Variants in HPSE2 observed in about 807,000 individuals in gnomAD.
HPSE2 encodes inactive heparanase-2.
HPSE2 carries 38 observed loss-of-function variants against 60.5 expected under a neutral mutation model. That is an observed-to-expected ratio of 0.63 (90% CI 0.48 to 0.82). The LOEUF (loss-of-function observed/expected upper bound fraction) is 0.82. HPSE2 is among the 40% of genes least tolerant of loss of function. The probability of loss-of-function intolerance (pLI) is 0.00; values close to 1 mark genes in which losing one functional copy is unlikely to be tolerated. For synonymous variants in HPSE2, 295 were observed against 293.2 expected (o/e 1.01, Z -0.06); for missense variants, 713 against 740.4 (o/e 0.96, Z 0.43).
chr10:98,508,228 C>T (rs1051721355), intron 9 of HPSE2, among the ~76,000 whole-genome samples: 1 of 152,152 alleles, frequency 6.6e-6, no homozygotes, highest in Admixed American at 6.5e-5. Context: ...GCAGATGACA[C>T]TAAAAAGACA....
At chr10:99,039,986 G>A (rs1282613945) in intron 3 of HPSE2, among the ~76,000 whole-genome samples, 3 of 152,052 alleles carry the variant, frequency 2.0e-5, no homozygotes, top group Non-Finnish European at 4.4e-5. Context: ...AAAACTATAT[G>A]TAACTGCTGT....
chr10:98,712,437 T>C (rs979344539), intron 5 of HPSE2, among the ~76,000 whole-genome samples: 2 of 152,090 alleles, frequency 1.3e-5, no homozygotes, highest in Admixed American at 1.3e-4. Flanking sequence ...TGTATAGGAA[T>C]ACAGTAAAAT....
intron 9 of HPSE2, among the ~76,000 whole-genome samples, chr10:98,495,911 G>T (rs533885235): frequency 5.8e-4 from 88 of 152,056 alleles, no homozygotes; most frequent in African/African-American, 2.1e-3. Flanking sequence ...CTTTGAATGA[G>T]CCATACTTTC....
chr10:98,569,276 G>T (rs1487750837), intron 9 of HPSE2, among the ~76,000 whole-genome samples: 1 of 151,936 alleles, frequency 6.6e-6, no homozygotes, highest in East Asian at 1.9e-4. Context: ...GGTCAGGCTG[G>T]TCTTGGACTC....
At chr10:98,489,973 T>C in intron 10 of HPSE2, 78 bp downstream of exon 10, 1 of 1,543,546 alleles carries the variant, frequency 6.5e-7, no homozygotes, top group Non-Finnish European at 9.0e-7. Flanking sequence ...TGAATGGAGA[T>C]GAGTCTTGAA....
At chr10:99,180,176 A>G (rs10883289) in intron 2 of HPSE2, among the ~76,000 whole-genome samples, 75,008 of 152,044 alleles carry the variant, frequency 0.49, 21,689 homozygotes, top group Non-Finnish European at 0.64. Context: ...AAACCTGGGC[A>G]ATACCATTCA....
chr10:98,512,347 C>G (rs553906098), intron 9 of HPSE2, among the ~76,000 whole-genome samples: 37 of 152,216 alleles, frequency 2.4e-4, no homozygotes, highest in African/African-American at 8.7e-4. Context: ...TTTGGGAGGC[C>G]GAGGCGGGCG....
At chr10:99,035,433 T>C (rs1480115725) in intron 3 of HPSE2, among the ~76,000 whole-genome samples, 2 of 152,212 alleles carry the variant, frequency 1.3e-5, no homozygotes, top group Admixed American at 1.3e-4. Context: ...TCTCCTATGA[T>C]AACAATGCCT....
intron 4 of HPSE2, among the ~76,000 whole-genome samples, chr10:98,725,655 A>C (rs190709091): frequency 5.8e-4 from 88 of 152,316 alleles, no homozygotes; most frequent in African/African-American, 1.3e-3. Flanking sequence ...TAATTAAACT[A>C]AAGAGCTTCT....
chr10:98,724,487 G>C (rs1269486136), intron 4 of HPSE2, among the ~76,000 whole-genome samples: 1 of 152,136 alleles, frequency 6.6e-6, no homozygotes, highest in East Asian at 1.9e-4. Flanking sequence ...AGGTCCACTT[G>C]GTGCAGAGCT....
chr10:98,789,000 T>C (rs932106312), intron 3 of HPSE2, among the ~76,000 whole-genome samples: 5 of 152,218 alleles, frequency 3.3e-5, no homozygotes, highest in African/African-American at 1.2e-4. Flanking sequence ...TTCTCACTTT[T>C]TTTTTCTTTT....
chr10:99,180,408 C>G (rs1279683688), intron 2 of HPSE2, among the ~76,000 whole-genome samples: 1 of 151,954 alleles, frequency 6.6e-6, no homozygotes, highest in Non-Finnish European at 1.5e-5. Context: ...AACAAATTTA[C>G]AAGAAAAAAA....
upstream of HPSE2, chr10:99,235,978 G>T: frequency 4.5e-6 from 2 of 443,304 alleles, no homozygotes; most frequent in African/African-American, 2.5e-5. Flanking sequence ...TCGCTCGCTC[G>T]CTCGCTCGTT....
chr10:98,771,779 C>T (rs1318837054), intron 3 of HPSE2, among the ~76,000 whole-genome samples: 5 of 152,008 alleles, frequency 3.3e-5, no homozygotes, highest in Admixed American at 2.0e-4. Flanking sequence ...GGGCAAACTC[C>T]CTGCTAGGGT....
chr10:99,236,563 C>G (rs1214590630), upstream of HPSE2, among the ~76,000 whole-genome samples: 1 of 152,084 alleles, frequency 6.6e-6, no homozygotes, highest in Non-Finnish European at 1.5e-5. Flanking sequence ...GGACATTCCC[C>G]GAAGAGGAGC....
intron 9 of HPSE2, among the ~76,000 whole-genome samples, chr10:98,514,599 T>C (rs142893451): frequency 6.6e-6 from 1 of 152,270 alleles, no homozygotes; most frequent in Admixed American, 6.5e-5. Context: ...CAAAGATTTA[T>C]TTGTAAGATG....
At chr10:98,582,149 A>C (rs927417072) in intron 9 of HPSE2, among the ~76,000 whole-genome samples, 1 of 152,206 alleles carries the variant, frequency 6.6e-6, no homozygotes, top group Non-Finnish European at 1.5e-5. Flanking sequence ...AAACAGAACT[A>C]GAGTTATTTC....
chr10:98,860,184 C>T (rs1952422085), intron 3 of HPSE2, among the ~76,000 whole-genome samples: 1 of 152,128 alleles, frequency 6.6e-6, no homozygotes, highest in Admixed American at 6.5e-5. Flanking sequence ...CCCTGGAGAA[C>T]TCTGACTAAT....
intron 9 of HPSE2, among the ~76,000 whole-genome samples, chr10:98,573,532 C>G (rs1434533594): frequency 6.6e-6 from 1 of 152,138 alleles, no homozygotes; most frequent in Non-Finnish European, 1.5e-5. Flanking sequence ...TGTTGTCCCC[C>G]ATTCTAAAAG....
Sources: gnomAD v4.1 joint callset for allele counts (sites outside exome capture counted in the v4.1 genomes callset) on GRCh38, gnomAD v4.1.1 for gene constraint, MANE v1.5 for transcripts, NCBI Gene and HGNC (gene_info 2026-07-23, HGNC 2026-07-21) for gene names.